Variants in ALK observed in about 807,000 individuals in gnomAD.
The protein encoded by ALK is ALK tyrosine kinase receptor.
In ALK, 74 loss-of-function variants were observed where a neutral mutation model predicts 163.1. That is an observed-to-expected ratio of 0.45 (90% CI 0.38 to 0.55). ALK has a LOEUF of 0.55. Among genes scored for constraint, ALK ranks in the 20% least tolerant of loss-of-function variants. The pLI is 0.00. For missense variants in ALK, 2,063 were observed against 2,105.3 expected (o/e 0.98, Z 0.39); for synonymous variants, 960 against 843.2 (o/e 1.14, Z -2.40).
At chr2:29,860,900 A>G (rs985247166) in intron 1 of ALK, among the ~76,000 whole-genome samples, 9 of 152,188 alleles carry the variant, frequency 5.9e-5, no homozygotes, top group African/African-American at 1.7e-4. Context: ...AGCAATACAT[A>G]TCTACATTAA....
At chr2:29,298,579 A>G (rs1433313968) in intron 8 of ALK, among the ~76,000 whole-genome samples, 1 of 152,042 alleles carries the variant, frequency 6.6e-6, no homozygotes, top group African/African-American at 2.4e-5. Flanking sequence ...CTTGATTTCC[A>G]CAGTTGATTT....
At chr2:29,214,537 T>C (rs1215274346) in intron 23 of ALK, among the ~76,000 whole-genome samples, 1 of 152,194 alleles carries the variant, frequency 6.6e-6, no homozygotes, top group East Asian at 1.9e-4. Flanking sequence ...TGTCTTAAAA[T>C]ATTTCTTAAA....
chr2:29,724,178 GT>G (rs1679500691), intron 1 of ALK, among the ~76,000 whole-genome samples: 1 of 152,190 alleles, frequency 6.6e-6, no homozygotes, highest in Admixed American at 6.5e-5. Flanking sequence ...TCAATAAAAT[GT>G]AACAAATGCT....
chr2:29,197,766 A>C, intron 26 of ALK, 90 bp from the exon 27 acceptor site: 2 of 1,175,604 alleles, frequency 1.7e-6, no homozygotes, highest in Non-Finnish European at 2.5e-6. Flanking sequence ...TACAATTTCA[A>C]CCTTTTTTTC....
At chr2:29,597,942 A>T (rs1675261862) in intron 3 of ALK, among the ~76,000 whole-genome samples, 1 of 152,154 alleles carries the variant, frequency 6.6e-6, no homozygotes, top group African/African-American at 2.4e-5. Flanking sequence ...CTGCCAAGGG[A>T]GGCTGGCCAA....
intron 1 of ALK, among the ~76,000 whole-genome samples, chr2:29,906,337 G>A (rs1195516925): frequency 6.6e-6 from 1 of 152,078 alleles, no homozygotes; most frequent in Admixed American, 6.5e-5. Context: ...TGTCTGTTTT[G>A]TTCATTGCTG....
chr2:29,792,647 T>G (rs1664215588), intron 1 of ALK, among the ~76,000 whole-genome samples: 1 of 150,716 alleles, frequency 6.6e-6, no homozygotes, highest in South Asian at 2.1e-4. Context: ...TATTGAGGGT[T>G]TATTTCCAGA....
At chr2:29,557,790 T>G (rs527630871) in intron 3 of ALK, among the ~76,000 whole-genome samples, 2 of 152,160 alleles carry the variant, frequency 1.3e-5, no homozygotes, top group African/African-American at 4.8e-5. Flanking sequence ...TGCCACATAA[T>G]AGTAATAATG....
chr2:29,548,161 T>G (rs1041840275), intron 3 of ALK, among the ~76,000 whole-genome samples: 4 of 152,144 alleles, frequency 2.6e-5, no homozygotes, highest in Non-Finnish European at 5.9e-5. Flanking sequence ...ACATGGGATG[T>G]GGACTAGTAA....
intron 5 of ALK, among the ~76,000 whole-genome samples, chr2:29,340,472 C>A (rs943378165): frequency 6.6e-6 from 1 of 152,110 alleles, no homozygotes; most frequent in African/African-American, 2.4e-5. Flanking sequence ...CTTAAAGCTA[C>A]GCAGGAGGTC....
intron 3 of ALK, among the ~76,000 whole-genome samples, chr2:29,591,462 G>C (rs1675058460): frequency 6.6e-6 from 1 of 152,140 alleles, no homozygotes; most frequent in African/African-American, 2.4e-5. Context: ...AGGCAAGTGG[G>C]CATGGCCACC....
chr2:29,543,821 C>T (rs1673478932), intron 3 of ALK, among the ~76,000 whole-genome samples: 2 of 152,210 alleles, frequency 1.3e-5, no homozygotes, highest in Non-Finnish European at 2.9e-5. Context: ...CCCTCCTGCT[C>T]TGTTTGCTAT....
At chr2:29,327,699 A>T (rs1667310818) in intron 6 of ALK, among the ~76,000 whole-genome samples, 1 of 152,188 alleles carries the variant, frequency 6.6e-6, no homozygotes, top group Non-Finnish European at 1.5e-5. Flanking sequence ...GAAGTGGGTG[A>T]ATTGTATGTG....
chr2:29,556,011 A>G (rs1036482710), intron 3 of ALK, among the ~76,000 whole-genome samples: 2 of 152,212 alleles, frequency 1.3e-5, no homozygotes, highest in Non-Finnish European at 2.9e-5. Context: ...CGAACATTCA[A>G]GAGGCTGGAT....
At chr2:29,548,487 G>GAGTTAAGTCA (rs1437556630) in intron 3 of ALK, among the ~76,000 whole-genome samples, 1 of 148,280 alleles carries the variant, frequency 6.7e-6, no homozygotes, top group African/African-American at 2.4e-5. Context: ...AAAAAAAAAA[G>GAGTTAAGTCA]AGTTAAGTCA....
chr2:29,715,675 A>T (rs1679228565), intron 2 of ALK, among the ~76,000 whole-genome samples: 1 of 152,224 alleles, frequency 6.6e-6, no homozygotes, highest in South Asian at 2.1e-4. Context: ...CCTTCTGTAG[A>T]GATACTGAAT....
At chr2:29,523,180 T>C (rs758534715) in intron 4 of ALK, among the ~76,000 whole-genome samples, 1 of 152,180 alleles carries the variant, frequency 6.6e-6, no homozygotes, top group Admixed American at 6.5e-5. Flanking sequence ...ATCTGTGTCC[T>C]CAGGCGGTCC....
chr2:29,491,106 A>G (rs186411957), intron 4 of ALK, among the ~76,000 whole-genome samples: 6 of 152,324 alleles, frequency 3.9e-5, no homozygotes, highest in East Asian at 1.9e-4. Flanking sequence ...GAACTACGCT[A>G]TAAGTCCTTA....
chr2:29,851,377 A>G lies in ALK; in HGVS notation c.667+68616T>C, dbSNP rs373617290. Reference sequence around the variant, plus strand: ...CTCCTACCACACTGGACTCATTTCAATTTCTCAAAAAGATGAAGCTGTCTC... The same window carrying G: ...CTCCTACCACACTGGACTCATTTCAGTTTCTCAAAAAGATGAAGCTGTCTC... On this transcript the variant is annotated intron_variant, in intron 1 of 28. Transcript: ENST00000389048. Among the ~76,000 whole-genome samples the G allele has an allele frequency of 1.1e-4, 16 of 152,160 alleles. 1 individual carries two copies. Among genetic ancestry groups the G allele is most frequent in the African/African-American group, 2.6e-4 (11 of 41,514 alleles).
Sources: gnomAD v4.1 joint callset for allele counts (sites outside exome capture counted in the v4.1 genomes callset) on GRCh38, gnomAD v4.1.1 for gene constraint, MANE v1.5 for transcripts, NCBI Gene and HGNC (gene_info 2026-07-23, HGNC 2026-07-21) for gene names.